Variants in ACOXL observed in about 807,000 individuals in gnomAD.
The protein encoded by ACOXL is acyl-coenzyme A oxidase-like protein.
A neutral mutation model predicts 71.9 loss-of-function variants in ACOXL; 70 were observed. The observed-to-expected ratio is 0.97, with a 90% CI of 0.80 to 1.19. The LOEUF (loss-of-function observed/expected upper bound fraction) is 1.19, where lower values mean the gene tolerates loss of function less well. Ranked by LOEUF, ACOXL falls within the 50% of genes most tolerant of loss-of-function variation. The pLI is 0.00. For synonymous variants in ACOXL, 253 were observed against 281.6 expected, an observed-to-expected ratio of 0.90 and a Z score of 1.02; for missense variants, 703 against 736.3, an observed-to-expected ratio of 0.95 and a Z score of 0.52.
intron 13 of ACOXL, among the ~76,000 whole-genome samples, chr2:110,990,602 G>A (rs1287856808): frequency 6.6e-6 from 1 of 152,142 alleles, no homozygotes; most frequent in Admixed American, 6.5e-5. Context: ...TATTTATTAT[G>A]TTAGAGACAG....
At chr2:110,867,531 A>G (rs1355093253) in intron 10 of ACOXL, among the ~76,000 whole-genome samples, 1 of 152,156 alleles carries the variant, frequency 6.6e-6, no homozygotes, top group East Asian at 1.9e-4. Context: ...TCTTGGATAA[A>G]GTATGTGCCC....
At chr2:110,842,519 A>G (rs558745424) in intron 10 of ACOXL, among the ~76,000 whole-genome samples, 22 of 152,208 alleles carry the variant, frequency 1.4e-4, no homozygotes, top group Non-Finnish European at 2.9e-4. Context: ...GGAAATAAAG[A>G]CCCAAAGTAA....
At chr2:111,112,111 A>T (rs531442525) in intron 17 of ACOXL, among the ~76,000 whole-genome samples, 11 of 152,366 alleles carry the variant, frequency 7.2e-5, no homozygotes, top group African/African-American at 2.4e-4. Context: ...ATTATGCTAA[A>T]TATTGTTTAT....
intron 14 of ACOXL, among the ~76,000 whole-genome samples, chr2:111,014,138 A>G (rs1239824194): frequency 6.6e-6 from 1 of 152,196 alleles, no homozygotes; most frequent in Non-Finnish European, 1.5e-5. Context: ...TAATAGTGAA[A>G]TATTACACAC....
intron 14 of ACOXL, among the ~76,000 whole-genome samples, chr2:111,020,124 T>C (rs572391416): frequency 2.0e-5 from 3 of 152,318 alleles, no homozygotes; most frequent in African/African-American, 7.2e-5. Context: ...CCTTCCAAAG[T>C]GCTGGGATTG....
At chr2:110,793,991 C>G (rs1337419283) in intron 4 of ACOXL, 85 bp from the exon 5 acceptor site, 3 of 1,366,430 alleles carry the variant, frequency 2.2e-6, no homozygotes, top group Non-Finnish European at 3.1e-6. Flanking sequence ...CCCTCTCTCA[C>G]CACCATTCTT....
At chr2:110,808,435 C>A (rs1257408738) in intron 9 of ACOXL, among the ~76,000 whole-genome samples, 1 of 152,116 alleles carries the variant, frequency 6.6e-6, no homozygotes, top group African/African-American at 2.4e-5. Flanking sequence ...CTCCTTGAGA[C>A]CCCTGCACAG....
At chr2:110,815,054 C>T (rs1687763010) in intron 9 of ACOXL, among the ~76,000 whole-genome samples, 1 of 152,090 alleles carries the variant, frequency 6.6e-6, no homozygotes, top group South Asian at 2.1e-4. Context: ...TTCTGCAGGG[C>T]TGGGGAGGCC....
At chr2:110,838,920 C>T (rs562399848) in intron 9 of ACOXL, among the ~76,000 whole-genome samples, 2 of 152,324 alleles carry the variant, frequency 1.3e-5, no homozygotes, top group Non-Finnish European at 2.9e-5. Flanking sequence ...GCTGCTGTGT[C>T]GTTTGGTTTG....
chr2:111,028,553 A>AC (rs35523503), intron 14 of ACOXL, among the ~76,000 whole-genome samples: 84,760 of 151,854 alleles, frequency 0.56, 23,774 homozygotes, highest in South Asian at 0.66. Context: ...CTGATAACAG[A>AC]ATCCTCATCT....
At chr2:110,736,234 A>G (rs1676825422) in intron 1 of ACOXL, among the ~76,000 whole-genome samples, 4 of 152,224 alleles carry the variant, frequency 2.6e-5, no homozygotes, top group Admixed American at 2.6e-4. Flanking sequence ...AATACACACT[A>G]TATAAAATTG....
At chr2:111,102,064 A>T (rs1433408497) in intron 17 of ACOXL, 1 of 152,680 alleles carries the variant, frequency 6.5e-6, no homozygotes, top group Non-Finnish European at 1.5e-5. Flanking sequence ...TTCTCCTCCC[A>T]GTGCAAAAGA....
chr2:111,047,391 T>G (rs1394252194), intron 15 of ACOXL, among the ~76,000 whole-genome samples: 2 of 152,132 alleles, frequency 1.3e-5, no homozygotes, highest in East Asian at 3.8e-4. Flanking sequence ...CTAAGTAAGA[T>G]TCTAAGTTAC....
chr2:110,980,486 C>T (rs912303664), intron 12 of ACOXL, among the ~76,000 whole-genome samples: 3 of 152,162 alleles, frequency 2.0e-5, no homozygotes, highest in Admixed American at 2.0e-4. Flanking sequence ...GCTCCCTGTT[C>T]CTGTCTATTG....
chr2:110,990,806 G>A (rs1032872018), intron 13 of ACOXL, among the ~76,000 whole-genome samples: 10 of 152,134 alleles, frequency 6.6e-5, no homozygotes, highest in Admixed American at 2.0e-4. Flanking sequence ...AATTTTTGCC[G>A]ATCATCTAAT....
Position 110,739,287 on chromosome 2 carries a change from A to AAC in ACOXL, c.-23+6514_-23+6515insCA, listed in dbSNP as rs1677226348. Among the ~76,000 whole-genome samples the AAC allele has an allele frequency of 4.6e-5, 7 of 152,250 alleles. No homozygotes were observed. The South Asian group carries it at 1.5e-3, about 32-fold the overall frequency. ...TTGGTGTTTTGTTTAGGACAGGGTTAATTCCTCCAGTGATGAATCTTTTAG... is the reference window on the plus strand; with the variant it reads ...TTGGTGTTTTGTTTAGGACAGGGTTAACATTCCTCCAGTGATGAATCTTTTAG... On this transcript the variant is annotated intron_variant, in intron 1 of 17. Transcript: ENST00000439055.
In ACOXL at chr2:111,117,710, G is replaced by C; in HGVS notation, c.1637G>C (p.Gly546Ala). Residue 546 changes from glycine (G) to alanine (A), a missense_variant, in exon 18 of 18, where the codon GGA becomes GCA. By Grantham distance (60) the Gly-to-Ala change is moderately conservative. Transcript: ENST00000439055. ...ACCTACCTCCACGCACCAATCGCCGGAATCTCCAACCCGCGGGCCGCGTGG... is the reference window on the plus strand; with the variant it reads ...ACCTACCTCCACGCACCAATCGCCGCAATCTCCAACCCGCGGGCCGCGTGG... Reference protein sequence around the residue: ...PHTYLHAPIAGISNPRAAWAF... With the variant: ...PHTYLHAPIAAISNPRAAWAF... The C allele has an allele frequency of 6.4e-7, 1 of 1,551,750 alleles. No homozygotes were observed. Among genetic ancestry groups the C allele is most frequent in the Non-Finnish European group, 8.7e-7 (1 of 1,147,008 alleles).
At chr2:110,806,875 G>T (rs1167799836) in intron 9 of ACOXL, among the ~76,000 whole-genome samples, 2 of 152,096 alleles carry the variant, frequency 1.3e-5, no homozygotes, top group African/African-American at 4.8e-5. Flanking sequence ...GGGTTGTGTG[G>T]GGCAAGGTGT....
intron 10 of ACOXL, among the ~76,000 whole-genome samples, chr2:110,879,963 T>C (rs2149087400): frequency 6.6e-6 from 1 of 151,980 alleles, no homozygotes; most frequent in East Asian, 1.9e-4. Flanking sequence ...CTGGCCAACA[T>C]GGTGAAACCC....
Sources: allele counts gnomAD v4.1 joint callset (sites outside exome capture counted in the v4.1 genomes callset), GRCh38; gene constraint gnomAD v4.1.1; transcripts MANE v1.5; gene names NCBI Gene and HGNC (gene_info 2026-07-23, HGNC 2026-07-21).